Variants in NRXN3 observed in about 807,000 individuals in gnomAD.
NRXN3 encodes neurexin III.
In NRXN3, 32 loss-of-function variants were observed where a neutral mutation model predicts 137.6. The observed-to-expected ratio is 0.23, with a 90% CI of 0.18 to 0.31. NRXN3 has a LOEUF of 0.31. NRXN3 is among the 10% of genes least tolerant of loss of function. NRXN3 has a pLI of 1.00. For synonymous variants in NRXN3, 798 were observed against 784.5 expected, an observed-to-expected ratio of 1.02 and a Z score of -0.29; for missense variants, 1,574 against 2,062.5, an observed-to-expected ratio of 0.76 and a Z score of 4.59.
At chr14:79,813,663 G>T (rs997245137) in intron 20 of NRXN3, among the ~76,000 whole-genome samples, 4 of 152,050 alleles carry the variant, frequency 2.6e-5, no homozygotes, top group Non-Finnish European at 4.4e-5. Flanking sequence ...CGAAATCCAA[G>T]AAAGTTGTGT....
intron 16 of NRXN3, among the ~76,000 whole-genome samples, chr14:79,627,441 A>T (rs1306271059): frequency 1.3e-5 from 2 of 152,170 alleles, no homozygotes; most frequent in Non-Finnish European, 2.9e-5. Context: ...ATCTTGGTGC[A>T]TTCCAGCCAC....
chr14:78,906,770 C>G (rs2099218207), intron 10 of NRXN3, among the ~76,000 whole-genome samples: 1 of 151,974 alleles, frequency 6.6e-6, no homozygotes, highest in East Asian at 1.9e-4. Context: ...GCTTTTCCCA[C>G]TTGGCTGGAG....
chr14:79,042,054 A>G (rs999512126), intron 15 of NRXN3, among the ~76,000 whole-genome samples: 14 of 152,184 alleles, frequency 9.2e-5, no homozygotes, highest in African/African-American at 3.4e-4. Flanking sequence ...AGAGGAAACC[A>G]AAGTTAGCCC....
intron 15 of NRXN3, among the ~76,000 whole-genome samples, chr14:79,203,012 G>A (rs1191090348): frequency 6.6e-6 from 1 of 151,950 alleles, no homozygotes; most frequent in African/African-American, 2.4e-5. Context: ...CCGCATCCAT[G>A]CCAACATCTA....
chr14:79,555,928 T>C (rs970625061), intron 16 of NRXN3, among the ~76,000 whole-genome samples: 1 of 152,182 alleles, frequency 6.6e-6, no homozygotes, highest in Non-Finnish European at 1.5e-5. Context: ...ATCACCTCTG[T>C]TTTCTGCTGC....
intron 4 of NRXN3, among the ~76,000 whole-genome samples, chr14:78,544,644 T>G (rs1051542927): frequency 6.6e-6 from 1 of 152,256 alleles, no homozygotes; most frequent in Non-Finnish European, 1.5e-5. Context: ...CAGGGTCCCA[T>G]AGTTAATAGA....
chr14:79,554,322 T>A (rs1281138014), intron 16 of NRXN3, among the ~76,000 whole-genome samples: 1 of 152,190 alleles, frequency 6.6e-6, no homozygotes, highest in Non-Finnish European at 1.5e-5. Flanking sequence ...CTACGGTTGC[T>A]GAAACACGTT....
chr14:78,871,696 G>A (rs1037264920), intron 10 of NRXN3, among the ~76,000 whole-genome samples: 2 of 152,068 alleles, frequency 1.3e-5, no homozygotes, highest in Non-Finnish European at 2.9e-5. Context: ...CTCTCCATTA[G>A]AAGTCTTGTC....
intron 15 of NRXN3, among the ~76,000 whole-genome samples, chr14:79,289,049 G>A (rs1204400219): frequency 6.6e-6 from 1 of 152,116 alleles, no homozygotes; most frequent in Admixed American, 6.5e-5. Flanking sequence ...CAATGGGCTC[G>A]TAGAACTTAG....
At chr14:79,491,168 A>G (rs1464447471) in intron 16 of NRXN3, among the ~76,000 whole-genome samples, 1 of 152,108 alleles carries the variant, frequency 6.6e-6, no homozygotes, top group African/African-American at 2.4e-5. Context: ...TCAGAATCCA[A>G]AATTTAGTGA....
chr14:78,172,227 C>T (rs931901425), intron 1 of NRXN3, among the ~76,000 whole-genome samples: 10 of 152,092 alleles, frequency 6.6e-5, no homozygotes, highest in African/African-American at 2.2e-4. Flanking sequence ...CAGCACGCTG[C>T]GTGACTTGGT....
rs368554948 is a variant in NRXN3 at position 79,470,901 on chromosome 14, A to AGTGT, written c.3444+3515_3444+3518dup. On this transcript the variant is annotated intron_variant, in intron 16 of 20. Coordinates refer to ENST00000335750, the MANE Select transcript of NRXN3 (RefSeq NM_001330195.2). ...GAGAGAGAGAGAAAGAGAGAGAGAG[A>AGTGT]GTGTGTGTGTGTGTGTGTGAGAGAG... is the stretch of plus-strand genomic sequence containing the variant. Among the ~76,000 whole-genome samples, 63 of 117,992 alleles carry AGTGT rather than the reference A, an allele frequency of 5.3e-4. 1 individual carries two copies. Among genetic ancestry groups the AGTGT allele is most frequent in the African/African-American group, 1.9e-3 (48 of 25,300 alleles). 77.4% of individuals were successfully genotyped at this position (117,992 alleles called of 152,430 possible).
At chr14:78,615,909 A>C (rs1047935628) in intron 4 of NRXN3, among the ~76,000 whole-genome samples, 1 of 152,216 alleles carries the variant, frequency 6.6e-6, no homozygotes, top group African/African-American at 2.4e-5. Context: ...GAAGTAAGCT[A>C]TGATTAAATC....
intron 10 of NRXN3, among the ~76,000 whole-genome samples, chr14:78,854,952 C>G (rs979892059): frequency 4.6e-5 from 7 of 151,922 alleles, no homozygotes; most frequent in African/African-American, 1.7e-4. Context: ...ATGATAGCTA[C>G]TGAGTAAGGT....
At chr14:78,704,253 G>A (rs2098322802) in intron 6 of NRXN3, among the ~76,000 whole-genome samples, 1 of 152,184 alleles carries the variant, frequency 6.6e-6, no homozygotes, top group African/African-American at 2.4e-5. Flanking sequence ...GGGCAAGAGG[G>A]CAGACAGCTT....
intron 15 of NRXN3, among the ~76,000 whole-genome samples, chr14:79,133,835 A>G (rs1329992246): frequency 2.6e-5 from 4 of 151,572 alleles, no homozygotes; most frequent in Admixed American, 2.0e-4. Flanking sequence ...AGGCTGAGGC[A>G]GGAGAATGGC....
chr14:79,772,610 T>G (rs923393909), intron 19 of NRXN3, among the ~76,000 whole-genome samples: 1 of 152,172 alleles, frequency 6.6e-6, no homozygotes, highest in African/African-American at 2.4e-5. Context: ...TCCTTACACC[T>G]TATACAAAAA....
chr14:79,746,596 G>T (rs771893020), intron 19 of NRXN3, among the ~76,000 whole-genome samples: 20 of 152,090 alleles, frequency 1.3e-4, no homozygotes, highest in Non-Finnish European at 2.4e-4. Context: ...GTAAGTTAAA[G>T]AATCTTGAAT....
chr14:78,516,078 A>G (rs1196087533), intron 4 of NRXN3, among the ~76,000 whole-genome samples: 1 of 152,100 alleles, frequency 6.6e-6, no homozygotes, highest in African/African-American at 2.4e-5. Context: ...CATGGTATTC[A>G]TCACCAGTGT....
Sources: gnomAD v4.1 joint callset for allele counts (sites outside exome capture counted in the v4.1 genomes callset) on GRCh38, gnomAD v4.1.1 for gene constraint, MANE v1.5 for transcripts, NCBI Gene and HGNC (gene_info 2026-07-23, HGNC 2026-07-21) for gene names.